Variants in RIMBP2 observed in about 807,000 individuals in gnomAD.
The protein encoded by RIMBP2 is RIMS-binding protein 2.
Under a neutral mutation model 118.6 loss-of-function variants are expected in RIMBP2, and 48 were observed. The observed-to-expected ratio is 0.40, with a 90% CI of 0.32 to 0.51. The LOEUF is 0.51. RIMBP2 is among the 20% of genes least tolerant of loss of function. The probability of loss-of-function intolerance (pLI) is 0.41; values close to 1 mark genes in which losing one functional copy is unlikely to be tolerated. For missense variants in RIMBP2, 1,551 were observed against 1,768.3 expected (o/e 0.88, Z 2.20); for synonymous variants, 762 against 742.9 (o/e 1.03, Z -0.42).
chr12:130,699,459 T>C (rs2065734675), intron 1 of RIMBP2, among the ~76,000 whole-genome samples: 1 of 151,668 alleles, frequency 6.6e-6, no homozygotes, highest in Non-Finnish European at 1.5e-5. Flanking sequence ...ACCATCATTC[T>C]CAGCAAACTA....
chr12:130,679,866 T>C (rs533499798), intron 1 of RIMBP2, among the ~76,000 whole-genome samples: 248 of 152,144 alleles, frequency 1.6e-3, no homozygotes, highest in African/African-American at 5.5e-3. Context: ...ACGCAGAGAG[T>C]GTGTTCGCCC....
intron 17 of RIMBP2, among the ~76,000 whole-genome samples, chr12:130,421,990 C>T (rs1316178035): frequency 1.3e-5 from 2 of 152,178 alleles, no homozygotes; most frequent in Non-Finnish European, 2.9e-5. Flanking sequence ...ATTTCAGGGG[C>T]ACACTCAGCT....
chr12:130,438,492 A>G lies in RIMBP2; in HGVS notation c.1529T>C (p.Val510Ala). The G allele has an allele frequency of 6.2e-7, 1 of 1,609,120 alleles. No individual in the cohort carries two copies. The highest frequency in any genetic ancestry group is 1.3e-5 in the African/African-American group (1 of 74,886). Reference protein sequence around the residue: ...PAGPPAPPQDVTVQAGVTPAT... With the variant: ...PAGPPAPPQDATVQAGVTPAT... ...GGGGGTCACCCCAGCCTGGACGGTA[A>G]CATCTTGTGGGGGTGCTGGGGGTCC... Residue 510 changes from valine (V) to alanine (A), a missense_variant, in exon 12 of 23, where the codon GTT becomes GCT. Transcript: ENST00000690449.
chr12:130,517,601 C>G (rs746429762), intron 3 of RIMBP2, among the ~76,000 whole-genome samples: 1 of 151,908 alleles, frequency 6.6e-6, no homozygotes, highest in African/African-American at 2.4e-5. Flanking sequence ...GATACAGGTG[C>G]CTAATAGACT....
intron 2 of RIMBP2, among the ~76,000 whole-genome samples, chr12:130,539,763 C>G (rs113302425): frequency 2.5e-3 from 139 of 55,752 alleles, no homozygotes; most frequent in Middle Eastern, 0.013. Flanking sequence ...AAATGCAGTC[C>G]ATGAAGTGGC....
chr12:130,703,115 CA>C lies in RIMBP2; in HGVS notation c.-352+13106del, dbSNP rs1402674177. ...AGGTCACCAGGTCACTGCAGCAGGC[CA>C]GGGGTGGGATTCTTTGCCTGGCAGT... is the stretch of plus-strand genomic sequence containing the variant. On this transcript the variant is annotated intron_variant, in intron 1 of 22. Transcript: ENST00000690449. This position sits in a 1 kb window ranked among gnomAD's most constrained non-coding sequence, Gnocchi z 5.7. 7.9e-5 allele frequency among the ~76,000 whole-genome samples: 12 copies of C among 152,068 alleles called. No homozygotes were observed. Among genetic ancestry groups the C allele is most frequent in the African/African-American group, 2.9e-4 (12 of 41,364 alleles).
intron 1 of RIMBP2, among the ~76,000 whole-genome samples, chr12:130,656,931 T>C (rs958423229): frequency 1.9e-4 from 29 of 152,242 alleles, no homozygotes; most frequent in African/African-American, 7.0e-4. Flanking sequence ...ACGGTCTCAC[T>C]CTTTCACCCA....
intron 15 of RIMBP2, chr12:130,425,145 A>T (rs2076698814): frequency 3.2e-6 from 1 of 309,974 alleles, no homozygotes; most frequent in Non-Finnish European, 5.9e-6. Flanking sequence ...GGCAGGTGAG[A>T]TCCCGGCGGC....
chr12:130,679,348 C>T (rs983196000), intron 1 of RIMBP2, among the ~76,000 whole-genome samples: 3 of 152,224 alleles, frequency 2.0e-5, no homozygotes, highest in Non-Finnish European at 4.4e-5. Flanking sequence ...GTCTAGAGAA[C>T]CATTTGTCCA....
chr12:130,408,106 T>G (rs751818216), intron 19 of RIMBP2, among the ~76,000 whole-genome samples: 1 of 152,176 alleles, frequency 6.6e-6, no homozygotes, highest in African/African-American at 2.4e-5. Context: ...CCAGTGAGAC[T>G]CACATGAAGC....
At chr12:130,668,666 T>C (rs1273649020) in intron 1 of RIMBP2, 1 of 152,334 alleles carries the variant, frequency 6.6e-6, no homozygotes, top group African/African-American at 2.4e-5. Flanking sequence ...TTACACCACC[T>C]GCCCAGTCTC....
At chr12:130,490,967 C>T (rs1029091347) in intron 4 of RIMBP2, among the ~76,000 whole-genome samples, 3 of 152,186 alleles carry the variant, frequency 2.0e-5, no homozygotes, top group Admixed American at 1.3e-4. Context: ...TGTGTAGCAA[C>T]AATCAAAACC....
At chr12:130,574,748 G>A (rs1180489637) in intron 2 of RIMBP2, among the ~76,000 whole-genome samples, 4 of 151,412 alleles carry the variant, frequency 2.6e-5, no homozygotes, top group Non-Finnish European at 4.4e-5. Flanking sequence ...CCCACCCCAG[G>A]GCTCACAACC....
intron 4 of RIMBP2, among the ~76,000 whole-genome samples, chr12:130,484,224 C>T (rs978562373): frequency 3.9e-5 from 6 of 152,192 alleles, no homozygotes; most frequent in African/African-American, 1.4e-4. Context: ...ACAGGGCCAC[C>T]TGACTGCCTC....
chr12:130,657,091 T>A (rs2063464938), intron 1 of RIMBP2, among the ~76,000 whole-genome samples: 1 of 152,140 alleles, frequency 6.6e-6, no homozygotes, highest in Non-Finnish European at 1.5e-5. Context: ...AGAGATAGGG[T>A]CTTGCTATGT....
chr12:130,438,608 G>T (rs1004616759), intron 11 of RIMBP2, 92 bp from the exon 12 acceptor site: 14 of 1,032,002 alleles, frequency 1.4e-5, no homozygotes, highest in Non-Finnish European at 1.8e-5. Context: ...CTGGAAACGA[G>T]ATCATTCGGT....
chr12:130,646,145 AC>A lies in RIMBP2; in HGVS notation c.-351-17690del, dbSNP rs1566422354. 2.4e-4 allele frequency among the ~76,000 whole-genome samples: 21 copies of A among 88,726 alleles called. 3 individuals carry two copies. Among genetic ancestry groups the A allele is most frequent in the Non-Finnish European group, 4.4e-4 (17 of 38,720 alleles). 58.2% of individuals were successfully genotyped at this position (88,726 alleles called of 152,430 possible). On this transcript the variant is annotated intron_variant, in intron 1 of 22. Transcript: ENST00000690449. Reference sequence around the variant, plus strand: ...CACCTGCCTCTCCACCTCCCTCACCACCTGCCTCTCCACCTCCCTCACCACC... The same window carrying A: ...CACCTGCCTCTCCACCTCCCTCACCACTGCCTCTCCACCTCCCTCACCACC...
At chr12:130,520,361 A>C (rs1187292512) in intron 2 of RIMBP2, among the ~76,000 whole-genome samples, 4 of 152,062 alleles carry the variant, frequency 2.6e-5, no homozygotes. Context: ...GTGAACAGGC[A>C]CTTCAGATAC....
In RIMBP2 at chr12:130,622,173, G is replaced by A. The variant is rs1302344655; in HGVS notation, c.-217+6149C>T. Among the ~76,000 whole-genome samples, 4 of 152,136 alleles carry A rather than the reference G, an allele frequency of 2.6e-5. No homozygotes were observed. Among genetic ancestry groups the A allele is most frequent in the African/African-American group, 9.7e-5 (4 of 41,424 alleles). ...CAAAAATGAGCCCTGAGAACTTGCA[G>A]GCCTGTTTGTTTCAGGTTGGATCCT... On this transcript the variant is annotated intron_variant, in intron 2 of 22. Coordinates refer to ENST00000690449, the MANE Select transcript of RIMBP2 (RefSeq NM_001393629.1). The surrounding 1 kb of genome is among the most constrained non-coding windows in gnomAD (Gnocchi z 8.5).
Sources: allele counts gnomAD v4.1 joint callset (sites outside exome capture counted in the v4.1 genomes callset), GRCh38; gene constraint gnomAD v4.1.1; non-coding constraint Gnocchi (gnomAD v3.1); transcripts MANE v1.5; gene names NCBI Gene and HGNC (gene_info 2026-07-23, HGNC 2026-07-21).